Variants in NPAS3 observed in about 807,000 individuals in gnomAD.
NPAS3 encodes neuronal PAS domain-containing protein 3.
NPAS3 carries 14 observed loss-of-function variants against 73.1 expected under a neutral mutation model. The observed-to-expected ratio is 0.19, with a 90% CI of 0.13 to 0.30. The LOEUF (loss-of-function observed/expected upper bound fraction) is 0.30. Among genes scored for constraint, NPAS3 ranks in the 10% least tolerant of loss-of-function variants. The pLI, the probability that NPAS3 is intolerant of heterozygous loss-of-function variation, is 1.00. For missense variants in NPAS3, 1,096 were observed against 1,250.0 expected (o/e 0.88, Z 1.86); for synonymous variants, 620 against 541.5 (o/e 1.14, Z -2.01).
At chr14:33,278,503 G>GCA (rs2041440270) in intron 3 of NPAS3, among the ~76,000 whole-genome samples, 2 of 82,236 alleles carry the variant, frequency 2.4e-5, no homozygotes, top group African/African-American at 1.3e-4. Flanking sequence ...TAGAAGCCAA[G>GCA]TAAAAAAAAA....
intron 5 of NPAS3, among the ~76,000 whole-genome samples, chr14:33,616,144 T>C (rs2057909693): frequency 6.6e-6 from 1 of 152,202 alleles, no homozygotes; most frequent in Admixed American, 6.5e-5. Flanking sequence ...ACACTTTTCT[T>C]AAGCCTGCCA....
rs139191848 is a variant in NPAS3, at chr14:33,479,672, G to T, written c.469-80449G>T. On this transcript the variant is annotated intron_variant, in intron 4 of 11. Coordinates refer to ENST00000356141, the Ensembl canonical transcript of NPAS3. ...CGACACTCTGTGGGCACTTTTCCTC[G>T]GTCAGTCTCTCCATCTTAGCAAGCG... 1.3e-4 allele frequency among the ~76,000 whole-genome samples: 20 copies of T among 152,130 alleles called. No homozygotes were observed. The East Asian group carries it at 3.9e-3, about 29-fold the overall frequency.
At chr14:33,305,021 T>A (rs1384382421) in intron 3 of NPAS3, among the ~76,000 whole-genome samples, 1 of 152,036 alleles carries the variant, frequency 6.6e-6, no homozygotes, top group Non-Finnish European at 1.5e-5. Flanking sequence ...GAGGCAGAAG[T>A]AGACAAGAGA....
At chr14:33,176,542 A>T (rs570216174) in intron 2 of NPAS3, among the ~76,000 whole-genome samples, 2 of 152,366 alleles carry the variant, frequency 1.3e-5, no homozygotes, top group East Asian at 3.9e-4. Flanking sequence ...TGTAGCATGT[A>T]TCAAAAATTC....
chr14:33,171,765 T>A (rs1252692712), intron 2 of NPAS3, among the ~76,000 whole-genome samples: 1 of 152,238 alleles, frequency 6.6e-6, no homozygotes. Context: ...ACTCACAATG[T>A]GGCTAACTTC....
At chr14:32,967,773 G>GA (rs553602936) in intron 1 of NPAS3, among the ~76,000 whole-genome samples, 3 of 150,842 alleles carry the variant, frequency 2.0e-5, no homozygotes, top group South Asian at 4.2e-4. Flanking sequence ...ACAGCATGTG[G>GA]GGGGGGGTCC....
chr14:33,136,579 G>A (rs1405881791), intron 2 of NPAS3, among the ~76,000 whole-genome samples: 1 of 152,164 alleles, frequency 6.6e-6, no homozygotes, highest in African/African-American at 2.4e-5. Flanking sequence ...AGACCCTGGG[G>A]TGGTGAAACT....
intron 3 of NPAS3, among the ~76,000 whole-genome samples, chr14:33,300,355 C>A (rs556198137): frequency 2.0e-5 from 3 of 152,150 alleles, no homozygotes; most frequent in African/African-American, 7.2e-5. Context: ...CTTTCAACAA[C>A]GACCAAATAA....
chr14:33,172,708 C>T (rs2045439731), intron 2 of NPAS3, among the ~76,000 whole-genome samples: 1 of 151,638 alleles, frequency 6.6e-6, no homozygotes, highest in South Asian at 2.1e-4. Flanking sequence ...AGCACTCCAA[C>T]TCCAACCTGG....
At chr14:33,207,249 ACACACACACACACACACG>A (rs762537909) in intron 2 of NPAS3, among the ~76,000 whole-genome samples, 9,086 of 35,458 alleles carry the variant, frequency 0.26, 368 homozygotes, top group Admixed American at 0.43. Flanking sequence ...ACACACACAC[ACACACACACACACACACG>A]CACACACACA....
intron 2 of NPAS3, among the ~76,000 whole-genome samples, chr14:33,205,519 T>C (rs1292489359): frequency 6.6e-6 from 1 of 152,192 alleles, no homozygotes; most frequent in Admixed American, 6.5e-5. Flanking sequence ...ACCATACATG[T>C]GCTTTTGGAA....
intron 6 of NPAS3, among the ~76,000 whole-genome samples, chr14:33,722,936 A>G (rs539357836): frequency 2.4e-4 from 37 of 152,228 alleles, no homozygotes; most frequent in African/African-American, 7.9e-4. Flanking sequence ...GCCCAGTCAA[A>G]TTTCTCCTAT....
At chr14:33,658,918 A>G (rs908429655) in intron 5 of NPAS3, among the ~76,000 whole-genome samples, 3 of 152,152 alleles carry the variant, frequency 2.0e-5, no homozygotes, top group Admixed American at 6.6e-5. Context: ...CAGCCCAACT[A>G]TGGGCTCCTG....
intron 2 of NPAS3, among the ~76,000 whole-genome samples, chr14:33,179,316 T>A (rs1457603163): frequency 1.3e-5 from 2 of 152,232 alleles, no homozygotes. Flanking sequence ...CTGAACTATT[T>A]GAGTGCATCA....
At chr14:33,718,607 C>T (rs1440117309) in intron 6 of NPAS3, among the ~76,000 whole-genome samples, 1 of 151,608 alleles carries the variant, frequency 6.6e-6, no homozygotes, top group Non-Finnish European at 1.5e-5. Flanking sequence ...GATTATTTTT[C>T]CAGTATTAAT....
chr14:33,192,003 T>C (rs1057360042), intron 2 of NPAS3, among the ~76,000 whole-genome samples: 3 of 152,208 alleles, frequency 2.0e-5, no homozygotes, highest in Non-Finnish European at 2.9e-5. Flanking sequence ...AAAGTAACTT[T>C]CCTGTGCCCA....
chr14:33,456,899 G>A (rs772604072), intron 4 of NPAS3, among the ~76,000 whole-genome samples: 13 of 152,144 alleles, frequency 8.5e-5, no homozygotes, highest in Non-Finnish European at 1.2e-4. Context: ...AGCTTCCTTC[G>A]TAAAAGGCAA....
intron 2 of NPAS3, among the ~76,000 whole-genome samples, chr14:33,089,212 G>A (rs1432503305): frequency 6.6e-6 from 1 of 152,170 alleles, no homozygotes; most frequent in Non-Finnish European, 1.5e-5. Flanking sequence ...AGCTAAAGGA[G>A]GAAATTAGAA....
intron 10 of NPAS3, among the ~76,000 whole-genome samples, chr14:33,796,289 C>T (rs903297682): frequency 6.6e-6 from 1 of 152,194 alleles, no homozygotes; most frequent in Non-Finnish European, 1.5e-5. Context: ...TCTTCCCATT[C>T]CCTCGTGATA....
Sources: allele counts gnomAD v4.1 joint callset (sites outside exome capture counted in the v4.1 genomes callset), GRCh38; gene constraint gnomAD v4.1.1; transcripts MANE v1.5; gene names NCBI Gene and HGNC (gene_info 2026-07-23, HGNC 2026-07-21).